LRP1B: variants seen among roughly 807,000 people sequenced by gnomAD.
LRP1B encodes LDL receptor related protein 1B, also known as low-density lipoprotein receptor-related protein 1B.
In LRP1B, 217 loss-of-function variants were observed where a neutral mutation model predicts 556.6. The observed-to-expected ratio is 0.39, with a 90% CI of 0.35 to 0.44. LRP1B has a LOEUF of 0.44. Among genes scored for constraint, LRP1B ranks in the 20% least tolerant of loss-of-function variants. LRP1B has a pLI of 1.00. For synonymous variants in LRP1B, 2,047 were observed against 1,865.8 expected (o/e 1.10, Z -2.50); for missense variants, 5,053 against 5,620.8 (o/e 0.90, Z 3.23).
intron 24 of LRP1B, among the ~76,000 whole-genome samples, chr2:140,884,842 A>G (rs1022421859): frequency 6.6e-6 from 1 of 152,120 alleles, no homozygotes; most frequent in African/African-American, 2.4e-5. Flanking sequence ...CCTCCTGAGT[A>G]GCAAGGACTA....
chr2:141,446,235 G>T (rs1316426205), intron 3 of LRP1B, among the ~76,000 whole-genome samples: 1 of 152,032 alleles, frequency 6.6e-6, no homozygotes, highest in Non-Finnish European at 1.5e-5. Flanking sequence ...TGCAACCCCT[G>T]CTCTTTTTTT....
intron 3 of LRP1B, among the ~76,000 whole-genome samples, chr2:141,399,716 G>C (rs1690376662): frequency 6.6e-6 from 1 of 152,186 alleles, no homozygotes; most frequent in Non-Finnish European, 1.5e-5. Context: ...ATTCTGAGAA[G>C]TAGACACTGT....
intron 66 of LRP1B, among the ~76,000 whole-genome samples, chr2:140,428,945 AC>A (rs1241069295): frequency 6.6e-6 from 1 of 152,064 alleles, no homozygotes; most frequent in Non-Finnish European, 1.5e-5. Context: ...CTATTCCTAG[AC>A]TACAGCCACA....
At chr2:141,405,326 A>G (rs1428964995) in intron 3 of LRP1B, among the ~76,000 whole-genome samples, 1 of 152,206 alleles carries the variant, frequency 6.6e-6, no homozygotes, top group African/African-American at 2.4e-5. Context: ...TACATTTTAA[A>G]AAAACTATTT....
chr2:141,396,207 C>T (rs1266588360), intron 3 of LRP1B, among the ~76,000 whole-genome samples: 2 of 151,880 alleles, frequency 1.3e-5, no homozygotes, highest in Non-Finnish European at 2.9e-5. Flanking sequence ...GAAGTTAGGG[C>T]CAATGAAAAA....
chr2:141,624,267 C>T (rs11885120), intron 2 of LRP1B, among the ~76,000 whole-genome samples: 9,536 of 151,832 alleles, frequency 0.063, 505 homozygotes, highest in South Asian at 0.15. Flanking sequence ...ATTATACAAC[C>T]TGAGTAAGTA....
chr2:142,040,259 C>T (rs1254585091), intron 1 of LRP1B, among the ~76,000 whole-genome samples: 1 of 151,348 alleles, frequency 6.6e-6, no homozygotes, highest in Non-Finnish European at 1.5e-5. Context: ...GCTTAAAATA[C>T]TTTCCATTTT....
In LRP1B at chr2:141,812,616, C is replaced by T. The variant is rs141979214; in HGVS notation, c.83-2215G>A. ...GTGTTGGAATAGAGCATCTTAAAAA[C>T]ATAGGATCAGTTATGAAGGAACTTG... On this transcript the variant is annotated intron_variant, in intron 1 of 90. Transcript: ENST00000389484. Among the ~76,000 whole-genome samples the T allele has an allele frequency of 6.0e-3, 907 of 152,194 alleles. 2 individuals are homozygous for T. Among genetic ancestry groups the T allele is most frequent in the Non-Finnish European group, 8.3e-3 (564 of 67,968 alleles).
chr2:141,096,165 T>C (rs1041101638), intron 7 of LRP1B, among the ~76,000 whole-genome samples: 5 of 152,144 alleles, frequency 3.3e-5, no homozygotes, highest in Admixed American at 6.5e-5. Context: ...TATGTTATAA[T>C]AAATTAGGTT....
At chr2:141,312,129 G>A (rs927426812) in intron 3 of LRP1B, among the ~76,000 whole-genome samples, 11 of 152,172 alleles carry the variant, frequency 7.2e-5, no homozygotes, top group African/African-American at 1.9e-4. Flanking sequence ...TTTTGTTTTC[G>A]ATAAAAGTTA....
chr2:141,443,183 ATGATGAGCTTTTTT>A (rs1368943320), intron 3 of LRP1B, among the ~76,000 whole-genome samples: 1 of 152,184 alleles, frequency 6.6e-6, no homozygotes, highest in Admixed American at 6.5e-5. Context: ...ATGACCAGTG[ATGATGAGCTTTTTT>A]TCATATGTTT....
intron 87 of LRP1B, among the ~76,000 whole-genome samples, chr2:140,240,973 G>T (rs1270842704): frequency 1.4e-4 from 21 of 150,676 alleles, no homozygotes; most frequent in Non-Finnish European, 1.5e-5. Flanking sequence ...ATACCAAAAA[G>T]GCTTCATTAA....
Position 140,702,506 on chromosome 2 carries a change from G to A in LRP1B, c.6071C>T (p.Ala2024Val), listed in dbSNP as rs746317281. ...EWGQMPCIGKARLDGSEKVVL... is the reference protein window; with the variant it reads ...EWGQMPCIGKVRLDGSEKVVL... ...AACCTTCTCTGAGCCATCCAAGCGA[G>A]CCTTTCCAATACAGGGCATTTGTCC... The change falls in exon 38 of 91, where the codon GCT becomes GTT. Residue 2024 changes from alanine (A) to valine (V), a missense_variant. By Grantham distance (64) the Ala-to-Val change is moderately conservative. Transcript: ENST00000389484. 100 of 1,613,318 alleles carry A rather than the reference G, an allele frequency of 6.2e-5. No individual in the cohort carries two copies. The highest frequency in any genetic ancestry group is 8.2e-5 in the Non-Finnish European group (97 of 1,179,640).
At chr2:141,674,662 A>G (rs1381332666) in intron 2 of LRP1B, among the ~76,000 whole-genome samples, 2 of 151,998 alleles carry the variant, frequency 1.3e-5, no homozygotes, top group African/African-American at 2.4e-5. Flanking sequence ...CCATTTTCCT[A>G]TTGCTATCTT....
intron 21 of LRP1B, among the ~76,000 whole-genome samples, chr2:140,922,315 C>T (rs1194714348): frequency 6.6e-6 from 1 of 151,590 alleles, no homozygotes; most frequent in African/African-American, 2.4e-5. Flanking sequence ...CGCACACACA[C>T]GCACACACAC....
At chr2:141,920,562 T>C (rs1051684224) in intron 1 of LRP1B, among the ~76,000 whole-genome samples, 1 of 152,012 alleles carries the variant, frequency 6.6e-6, no homozygotes, top group African/African-American at 2.4e-5. Flanking sequence ...TAATTGGCTA[T>C]TGATGGTATC....
At chr2:140,679,248 C>T (rs567957414) in intron 41 of LRP1B, among the ~76,000 whole-genome samples, 1 of 152,292 alleles carries the variant, frequency 6.6e-6, no homozygotes, top group Non-Finnish European at 1.5e-5. Flanking sequence ...GCTAAAGGCC[C>T]TATTTCCACA....
At chr2:141,322,997 C>T (rs1046213942) in intron 3 of LRP1B, among the ~76,000 whole-genome samples, 1 of 152,028 alleles carries the variant, frequency 6.6e-6, no homozygotes, top group Non-Finnish European at 1.5e-5. Context: ...ACAACAATAC[C>T]TTCATCAGCA....
intron 7 of LRP1B, among the ~76,000 whole-genome samples, chr2:141,102,392 G>T (rs1305089546): frequency 6.6e-6 from 1 of 152,052 alleles, no homozygotes; most frequent in Non-Finnish European, 1.5e-5. Context: ...AACCCTCATT[G>T]TACATCACTT....
Sources: gnomAD v4.1 joint callset for allele counts (sites outside exome capture counted in the v4.1 genomes callset) on GRCh38, gnomAD v4.1.1 for gene constraint, MANE v1.5 for transcripts, NCBI Gene and HGNC (gene_info 2026-07-23, HGNC 2026-07-21) for gene names.